The following PPP2R2D variants were observed in gnomAD, a reference collection of about 807,000 sequenced individuals.
PPP2R2D encodes the protein serine/threonine-protein phosphatase 2A 55 kDa regulatory subunit B delta isoform.
A neutral mutation model predicts 31.1 loss-of-function variants in PPP2R2D; 9 were observed. The observed-to-expected ratio is 0.29, with a 90% CI of 0.17 to 0.51. The LOEUF is 0.51. PPP2R2D is among the 20% of genes least tolerant of loss of function. PPP2R2D has a pLI of 0.98. For missense variants in PPP2R2D, 391 were observed against 465.6 expected (o/e 0.84, Z 1.48); for synonymous variants, 179 against 172.6 (o/e 1.04, Z -0.29).
intron 8 of PPP2R2D, among the ~76,000 whole-genome samples, chr10:131,948,565 A>C (rs994697552): frequency 6.6e-6 from 1 of 152,168 alleles, no homozygotes; most frequent in South Asian, 2.1e-4. Context: ...ACAGATAAGC[A>C]AGGGAAATCT....
intron 2 of PPP2R2D, among the ~76,000 whole-genome samples, chr10:131,909,746 T>A (rs1015671334): frequency 5.1e-4 from 78 of 152,374 alleles, no homozygotes; most frequent in African/African-American, 1.9e-3. Context: ...TTAATAGTTA[T>A]ATTGAGGATC....
intron 2 of PPP2R2D, among the ~76,000 whole-genome samples, chr10:131,915,335 C>T (rs1279331601): frequency 6.6e-6 from 1 of 152,136 alleles, no homozygotes; most frequent in Admixed American, 6.5e-5. Context: ...CCGTCCTTTG[C>T]AGTAACCTGT....
At chr10:131,906,771 AAAAG>A (rs1236399081) in intron 2 of PPP2R2D, among the ~76,000 whole-genome samples, 7 of 151,326 alleles carry the variant, frequency 4.6e-5, no homozygotes, top group South Asian at 2.1e-4. Flanking sequence ...AAAAAAAAAA[AAAAG>A]AAAGAAATTC....
intron 2 of PPP2R2D, among the ~76,000 whole-genome samples, chr10:131,904,385 C>T (rs2035550075): frequency 1.3e-5 from 2 of 151,780 alleles, no homozygotes; most frequent in African/African-American, 4.8e-5. Context: ...TGGCGGGCGC[C>T]TGCAGTCCCA....
chr10:131,964,580 C>G (rs2036956421), downstream of PPP2R2D, among the ~76,000 whole-genome samples: 1 of 151,816 alleles, frequency 6.6e-6, no homozygotes, highest in Admixed American at 6.6e-5. Flanking sequence ...GCTGTCATTA[C>G]GTGTAACATC....
intron 8 of PPP2R2D, among the ~76,000 whole-genome samples, chr10:131,955,017 A>G (rs977228248): frequency 5.9e-5 from 9 of 152,236 alleles, no homozygotes; most frequent in African/African-American, 1.4e-4. Context: ...GGTTTTTACC[A>G]GTATTATGAA....
rs532308512 is a variant in PPP2R2D, at chr10:131,945,216, G to A, written c.656-79G>A. 201 of 1,486,230 alleles carry A rather than the reference G, an allele frequency of 1.4e-4. No individual in the cohort carries two copies. The highest frequency in any genetic ancestry group is 4.9e-4 in the Admixed American group (25 of 50,616). 92.1% of individuals were successfully genotyped at this position (1,486,230 alleles called of 1,614,324 possible). On this transcript the variant is annotated intron_variant, in intron 6 of 8. Coordinates refer to ENST00000455566, the MANE Select transcript of PPP2R2D (RefSeq NM_018461.5). The surrounding 1 kb of genome is among the most constrained non-coding windows in gnomAD (Gnocchi z 4.8). ...AACCTCACTGCGTGGATTATTTGGC[G>A]TCCTATTTCGCGTGACTGAATGTAG... is the stretch of plus-strand genomic sequence containing the variant.
chr10:131,916,201 C>T (rs1036546759), intron 2 of PPP2R2D, among the ~76,000 whole-genome samples: 5 of 152,152 alleles, frequency 3.3e-5, no homozygotes, highest in South Asian at 2.1e-4. Context: ...GTGGTGGAGG[C>T]GCACACACAG....
intron 2 of PPP2R2D, among the ~76,000 whole-genome samples, chr10:131,905,914 G>A (rs1198806287): frequency 6.6e-6 from 1 of 152,224 alleles, no homozygotes; most frequent in Non-Finnish European, 1.5e-5. Flanking sequence ...CTACCAAGAG[G>A]CGTGTGAAAA....
intron 8 of PPP2R2D, among the ~76,000 whole-genome samples, chr10:131,952,715 C>T (rs112843537): frequency 1.0e-4 from 8 of 78,806 alleles, no homozygotes; most frequent in African/African-American, 3.8e-4. Flanking sequence ...TAGTGACTTG[C>T]GGGTGTGCGG....
chr10:131,965,944 T>C, the PPP2R2D span, among the ~76,000 whole-genome samples: 1 of 152,354 alleles, frequency 6.6e-6, no homozygotes, highest in East Asian at 1.9e-4. Context: ...TGTCGTTCTC[T>C]CGAGTCTCTA....
intron 8 of PPP2R2D, among the ~76,000 whole-genome samples, chr10:131,954,182 CTCT>C (rs2036748570): frequency 6.6e-6 from 1 of 152,250 alleles, no homozygotes; most frequent in African/African-American, 2.4e-5. Flanking sequence ...GAAACACCCA[CTCT>C]GGGGCTGGCA....
At chr10:131,920,656 A>C (rs1402022690) in intron 2 of PPP2R2D, among the ~76,000 whole-genome samples, 1 of 152,240 alleles carries the variant, frequency 6.6e-6, no homozygotes, top group Non-Finnish European at 1.5e-5. Flanking sequence ...TGCTGGGCAC[A>C]GTATCTCACG....
intron 2 of PPP2R2D, among the ~76,000 whole-genome samples, chr10:131,926,320 T>G (rs1425809260): frequency 6.6e-6 from 1 of 152,140 alleles, no homozygotes; most frequent in African/African-American, 2.4e-5. Flanking sequence ...GTGAGCTTCT[T>G]TGAAAAGACA....
downstream of PPP2R2D, among the ~76,000 whole-genome samples, chr10:131,963,037 C>G (rs1479448853): frequency 6.6e-6 from 1 of 152,134 alleles, no homozygotes; most frequent in Admixed American, 6.5e-5. Context: ...TGGTGGCGGA[C>G]GCTTGTAATC....
At chr10:131,904,883 A>G (rs934888232) in intron 2 of PPP2R2D, among the ~76,000 whole-genome samples, 1 of 151,946 alleles carries the variant, frequency 6.6e-6, no homozygotes, top group Non-Finnish European at 1.5e-5. Flanking sequence ...TTTTGTTTTG[A>G]TTTCTGTTTT....
downstream of PPP2R2D, among the ~76,000 whole-genome samples, chr10:131,963,358 A>G (rs913350720): frequency 1.0e-3 from 11 of 10,536 alleles, no homozygotes; most frequent in Non-Finnish European, 1.3e-3. Context: ...AGCGTTCACA[A>G]GTCCCCAGAG....
Position 131,947,813 on chromosome 10 carries a change from G to A in PPP2R2D, c.1082+22G>A. 6.2e-7 allele frequency: 1 copy of A among 1,604,420 alleles called. No homozygotes were observed. The highest frequency in any genetic ancestry group is 1.3e-5 in the African/African-American group (1 of 74,910). On this transcript the variant is annotated intron_variant, in intron 8 of 8. Coordinates refer to ENST00000455566, the MANE Select transcript of PPP2R2D (RefSeq NM_018461.5). This position sits in a 1 kb window ranked among gnomAD's most constrained non-coding sequence, Gnocchi z 4.3. ...ATAGGTAAGGCCTGCGTGGAGATGA[G>A]CTGTCGCCCCAAGCTTGCTGGTTTC...
intron 8 of PPP2R2D, among the ~76,000 whole-genome samples, chr10:131,950,199 A>G (rs1554898622): frequency 6.6e-6 from 1 of 152,180 alleles, no homozygotes; most frequent in African/African-American, 2.4e-5. Flanking sequence ...AGAAAACAAG[A>G]GACACTAGGA....
Sources: allele counts gnomAD v4.1 joint callset (sites outside exome capture counted in the v4.1 genomes callset), GRCh38; gene constraint gnomAD v4.1.1; non-coding constraint Gnocchi (gnomAD v3.1); transcripts MANE v1.5; gene names NCBI Gene and HGNC (gene_info 2026-07-23, HGNC 2026-07-21).